Variants in ZNF804A observed in about 807,000 individuals in gnomAD.
ZNF804A encodes the protein zinc finger protein 804A.
In ZNF804A, 2 loss-of-function variants were observed where a neutral mutation model predicts 16.5. The observed-to-expected ratio is 0.12, with a 90% CI of 0.05 to 0.38. ZNF804A has a LOEUF of 0.38. Ranked by LOEUF, ZNF804A falls within the 10% of genes least tolerant of loss-of-function variation. The pLI is 0.99. For missense variants in ZNF804A, 1,473 were observed against 1,390.7 expected (o/e 1.06, Z -0.94); for synonymous variants, 534 against 489.6 (o/e 1.09, Z -1.20).
chr2:184,803,051 A>C (rs1195044648), intron 1 of ZNF804A, among the ~76,000 whole-genome samples: 1 of 152,196 alleles, frequency 6.6e-6, no homozygotes, highest in Non-Finnish European at 1.5e-5. Context: ...AGTTATCTGA[A>C]ATATAGTAAA....
At chr2:184,623,002 G>A (rs967732037) in intron 1 of ZNF804A, among the ~76,000 whole-genome samples, 2 of 151,966 alleles carry the variant, frequency 1.3e-5, no homozygotes, top group African/African-American at 2.4e-5. Flanking sequence ...CTATTAGGTG[G>A]ACAAGAAAGG....
At chr2:184,624,388 T>C (rs1195571684) in intron 1 of ZNF804A, among the ~76,000 whole-genome samples, 1 of 152,192 alleles carries the variant, frequency 6.6e-6, no homozygotes, top group Non-Finnish European at 1.5e-5. Context: ...CTCACTTTGA[T>C]AAAAATATAA....
chr2:184,869,967 G>A (rs1371257160), intron 2 of ZNF804A, among the ~76,000 whole-genome samples: 1 of 151,930 alleles, frequency 6.6e-6, no homozygotes, highest in Non-Finnish European at 1.5e-5. Context: ...GTACAGATAT[G>A]ATTACAATAG....
At chr2:184,872,549 T>G (rs1205658245) in intron 2 of ZNF804A, among the ~76,000 whole-genome samples, 1 of 152,092 alleles carries the variant, frequency 6.6e-6, no homozygotes, top group Non-Finnish European at 1.5e-5. Context: ...ACCTAAATGA[T>G]AAACCTAAAA....
chr2:184,809,385 C>T (rs556488080), intron 1 of ZNF804A, among the ~76,000 whole-genome samples: 2 of 151,624 alleles, frequency 1.3e-5, no homozygotes, highest in African/African-American at 2.4e-5. Context: ...CTGATATAAG[C>T]CAATATTAAG....
chr2:184,623,280 T>C (rs1691446338), intron 1 of ZNF804A, among the ~76,000 whole-genome samples: 1 of 151,964 alleles, frequency 6.6e-6, no homozygotes, highest in South Asian at 2.1e-4. Flanking sequence ...TACTAAAAAA[T>C]AAAATCCTGA....
chr2:184,657,629 C>T (rs1692102338), intron 1 of ZNF804A, among the ~76,000 whole-genome samples: 1 of 152,130 alleles, frequency 6.6e-6, no homozygotes, highest in South Asian at 2.1e-4. Context: ...AGTATATGCA[C>T]CCAAATTAAT....
intron 1 of ZNF804A, among the ~76,000 whole-genome samples, chr2:184,832,973 T>C (rs747032255): frequency 2.2e-4 from 33 of 152,038 alleles, no homozygotes; most frequent in Admixed American, 1.2e-3. Flanking sequence ...CAAAATTTTA[T>C]TGGACTTATG....
At chr2:184,930,812 A>T (rs1391015331) in intron 2 of ZNF804A, among the ~76,000 whole-genome samples, 2 of 152,248 alleles carry the variant, frequency 1.3e-5, no homozygotes, top group Non-Finnish European at 2.9e-5. Flanking sequence ...GTGCATATGT[A>T]TATGGTATTT....
intron 1 of ZNF804A, among the ~76,000 whole-genome samples, chr2:184,728,767 T>C (rs932300561): frequency 3.3e-5 from 5 of 151,836 alleles, no homozygotes; most frequent in Admixed American, 3.3e-4. Context: ...AGAAAAAAAA[T>C]AATAACAGTG....
chr2:184,853,578 C>CTCTA (rs1558982649), intron 1 of ZNF804A, among the ~76,000 whole-genome samples: 4 of 151,748 alleles, frequency 2.6e-5, no homozygotes, highest in Non-Finnish European at 4.4e-5. Flanking sequence ...CCTTCTATAT[C>CTCTA]TAATTTTTGA....
At chr2:184,888,911 C>G (rs1200128129) in intron 2 of ZNF804A, among the ~76,000 whole-genome samples, 1 of 151,680 alleles carries the variant, frequency 6.6e-6, no homozygotes, top group Non-Finnish European at 1.5e-5. Context: ...CTATTTTTCA[C>G]TTTTTATAAA....
In ZNF804A at chr2:184,938,556, C is replaced by A; in HGVS notation, c.3160C>A (p.His1054Asn). 1 of 1,614,098 alleles carries A rather than the reference C, an allele frequency of 6.2e-7. No homozygotes were observed. The highest frequency in any genetic ancestry group is 8.5e-7 in the Non-Finnish European group (1 of 1,180,008). The change falls in exon 4 of 4, where the codon CAC becomes AAC. Residue 1054 changes from histidine (H) to asparagine (N), a missense_variant. Transcript: ENST00000302277. The stretch of plus-strand genomic sequence containing the variant: ...AAATGTACCATGTGAGGTCTACCAG[C>A]ACATTCTGCAGCCAAACATGCTGGC... The part of the protein sequence containing the change: ...FKNVPCEVYQ[H>N]ILQPNMLANK...
intron 1 of ZNF804A, among the ~76,000 whole-genome samples, chr2:184,635,645 T>C (rs1691683238): frequency 1.3e-5 from 2 of 152,130 alleles, no homozygotes; most frequent in Non-Finnish European, 2.9e-5. Context: ...GAAATATAAC[T>C]CAGTTTAATA....
At chr2:184,799,112 T>C (rs1306706499) in intron 1 of ZNF804A, among the ~76,000 whole-genome samples, 1 of 152,068 alleles carries the variant, frequency 6.6e-6, no homozygotes, top group African/African-American at 2.4e-5. Flanking sequence ...CAGCACAGTA[T>C]TTGGTGTGTC....
intron 1 of ZNF804A, among the ~76,000 whole-genome samples, chr2:184,735,658 T>TA (rs1206354164): frequency 3.9e-5 from 6 of 152,190 alleles, no homozygotes; most frequent in Admixed American, 6.5e-5. Flanking sequence ...ATGTTGAAGG[T>TA]AAAAAAATGA....
chr2:184,844,137 T>C (rs1262337799), intron 1 of ZNF804A, among the ~76,000 whole-genome samples: 1 of 152,072 alleles, frequency 6.6e-6, no homozygotes, highest in Non-Finnish European at 1.5e-5. Context: ...AGTTCATATG[T>C]AGTGTGGATA....
chr2:184,617,355 T>G (rs1574133325), intron 1 of ZNF804A, among the ~76,000 whole-genome samples: 1 of 152,172 alleles, frequency 6.6e-6, no homozygotes, highest in East Asian at 1.9e-4. Flanking sequence ...ATTTACAATG[T>G]ATGCTGTTTT....
At chr2:184,709,413 A>G (rs1469073786) in intron 1 of ZNF804A, among the ~76,000 whole-genome samples, 1 of 152,114 alleles carries the variant, frequency 6.6e-6, no homozygotes, top group Non-Finnish European at 1.5e-5. Context: ...CTATCTATCT[A>G]TCTATCTAAT....
Sources: allele counts gnomAD v4.1 joint callset (sites outside exome capture counted in the v4.1 genomes callset), GRCh38; gene constraint gnomAD v4.1.1; transcripts MANE v1.5; gene names NCBI Gene and HGNC (gene_info 2026-07-23, HGNC 2026-07-21).